The following PLPPR4 variants were observed in gnomAD, a reference collection of about 807,000 sequenced individuals.
PLPPR4 encodes the protein phospholipid phosphatase-related protein type 4.
PLPPR4 carries 24 observed loss-of-function variants against 56.6 expected under a neutral mutation model. The ratio of observed to expected loss-of-function variants is 0.42; its 90% CI spans 0.31 to 0.60. The LOEUF (loss-of-function observed/expected upper bound fraction) is 0.60. Ranked by LOEUF, PLPPR4 falls within the 20% of genes least tolerant of loss-of-function variation. The pLI is 0.13. For synonymous variants in PLPPR4, 326 were observed against 328.1 expected (o/e 0.99, Z 0.07); for missense variants, 654 against 885.8 (o/e 0.74, Z 3.32).
intron 2 of PLPPR4, among the ~76,000 whole-genome samples, chr1:99,288,480 G>A (rs1557778466): frequency 6.6e-6 from 1 of 151,932 alleles, no homozygotes; most frequent in Admixed American, 6.6e-5. Context: ...CTTTACATGT[G>A]TTTATTTAGT....
chr1:99,271,376 T>C lies in PLPPR4; in HGVS notation c.78+6705T>C, dbSNP rs546137612. Among the ~76,000 whole-genome samples the C allele has an allele frequency of 5.9e-5, 9 of 152,294 alleles. No individual in the cohort carries two copies. In the East Asian group the frequency reaches 1.7e-3, roughly 29 times the overall value. On this transcript the variant is annotated intron_variant, in intron 1 of 6. Coordinates refer to ENST00000370185, the MANE Select transcript of PLPPR4 (RefSeq NM_014839.5). ...ATTTCAGAGCTTGTCCATCTTGCTC[T>C]TGCATTATGACTACACCATACTGTC...
In PLPPR4 at chr1:99,287,985, G is replaced by C; in HGVS notation, c.99G>C (p.Ser33=). 3 of 1,613,086 alleles carry C rather than the reference G, an allele frequency of 1.9e-6. No homozygotes were observed. The highest frequency in any genetic ancestry group is 2.5e-6 in the Non-Finnish European group (3 of 1,179,518). ...CTTAGTTGCCTATATTGGCATCATC[G>C]GTGGTTAGCCTCTATTTCCTCGAAC... ...YFVELPILAS[S]VVSLYFLELT... Residue 33 remains serine, a synonymous_variant, in exon 2 of 7, where the codon TCG becomes TCC. Coordinates refer to ENST00000370185, the MANE Select transcript of PLPPR4 (RefSeq NM_014839.5).
upstream of PLPPR4, chr1:99,264,242 T>C (rs781227150): frequency 1.1e-5 from 6 of 558,284 alleles, no homozygotes; most frequent in Non-Finnish European, 1.9e-5. Flanking sequence ...TCCGACAGCC[T>C]TGGAGCGTCG....
rs767426745 is a variant in PLPPR4 at position 99,299,003 on chromosome 1, CT to C, written c.395-30del. 3.3e-6 allele frequency: 5 copies of C among 1,509,090 alleles called. No individual in the cohort carries two copies. In the African/African-American group the frequency reaches 5.5e-5, roughly 17 times the overall value. The allele number at this position is 1,509,090 out of a possible 1,614,324, so 93.5% of individuals were successfully genotyped here. On this transcript the variant is annotated intron_variant, in intron 3 of 6. Transcript: ENST00000370185. ...TGTTTGATGCTGACACAACCACCAACTTGGTAACAATTTCTTTCATTTTGCC... is the reference window on the plus strand; with the variant it reads ...TGTTTGATGCTGACACAACCACCAACTGGTAACAATTTCTTTCATTTTGCC...
At chr1:99,264,258 G>C (rs140700752), upstream of PLPPR4, 1 of 575,472 alleles carries the variant, frequency 1.7e-6, no homozygotes, top group African/African-American at 1.9e-5. Flanking sequence ...CGTCGCAAGG[G>C]CGGTAGAGAG....
chr1:99,288,319 T>G (rs1375304491), intron 2 of PLPPR4, among the ~76,000 whole-genome samples, 169 bp downstream of exon 2: 2 of 152,226 alleles, frequency 1.3e-5, no homozygotes, highest in African/African-American at 4.8e-5. Context: ...TAGCTTAACA[T>G]TATTGGCATT....
In PLPPR4 at chr1:99,308,301, A is replaced by G. The variant is rs1428784484; in HGVS notation, c.*1291A>G. 1 of 152,202 alleles carries G rather than the reference A, an allele frequency of 6.6e-6. No individual in the cohort carries two copies. The highest frequency in any genetic ancestry group is 2.4e-5 in the African/African-American group (1 of 41,442). The allele number at this position is 152,202 out of a possible 1,614,324, so 9.4% of individuals were successfully genotyped here. Reference sequence around the variant, plus strand: ...AAAGTATCTCACGGTACAAATTAAGAATGACTTTCTTCAAAATATCTGAAT... The same window carrying G: ...AAAGTATCTCACGGTACAAATTAAGGATGACTTTCTTCAAAATATCTGAAT... On this transcript the variant is annotated 3_prime_UTR_variant, in exon 7 of 7. Coordinates refer to ENST00000370185, the MANE Select transcript of PLPPR4 (RefSeq NM_014839.5).
intron 5 of PLPPR4, among the ~76,000 whole-genome samples, chr1:99,301,519 A>G (rs1431752074): frequency 2.6e-5 from 4 of 152,060 alleles, no homozygotes; most frequent in Admixed American, 1.3e-4. Context: ...TATTTTTCCA[A>G]CTTTCATGTA....
chr1:99,271,797 A>T (rs1185989825), intron 1 of PLPPR4, among the ~76,000 whole-genome samples: 1 of 151,968 alleles, frequency 6.6e-6, no homozygotes, highest in Non-Finnish European at 1.5e-5. Context: ...GGTGTGTCCA[A>T]ATGATAGAAA....
intron 2 of PLPPR4, among the ~76,000 whole-genome samples, chr1:99,289,054 A>G (rs1220955236): frequency 6.6e-6 from 1 of 152,148 alleles, no homozygotes; most frequent in Non-Finnish European, 1.5e-5. Flanking sequence ...CTATTAATAA[A>G]TAAGACTGGC....
At chr1:99,304,427 A>T (rs1160614607) in intron 6 of PLPPR4, among the ~76,000 whole-genome samples, 3 of 152,166 alleles carry the variant, frequency 2.0e-5, no homozygotes, top group Non-Finnish European at 4.4e-5. Flanking sequence ...CATTTCTTAG[A>T]ATGTATCCCT....
At chr1:99,279,603 T>C (rs1055422616) in intron 1 of PLPPR4, among the ~76,000 whole-genome samples, 2 of 152,152 alleles carry the variant, frequency 1.3e-5, no homozygotes, top group African/African-American at 2.4e-5. Context: ...TCTCGCCTTG[T>C]GTCCTTTAAA....
At chr1:99,292,409 A>T (rs1405698906) in intron 2 of PLPPR4, among the ~76,000 whole-genome samples, 2 of 152,168 alleles carry the variant, frequency 1.3e-5, no homozygotes, top group Non-Finnish European at 1.5e-5. Context: ...TTCTTTCTTG[A>T]GGCCTGAGAA....
chr1:99,288,593 T>C (rs190862113), intron 2 of PLPPR4, among the ~76,000 whole-genome samples: 68 of 152,266 alleles, frequency 4.5e-4, no homozygotes, highest in African/African-American at 1.6e-3. Context: ...TTATTGATTA[T>C]GGATACTGAG....
At chr1:99,270,638 C>G (rs1659032912) in intron 1 of PLPPR4, among the ~76,000 whole-genome samples, 1 of 152,198 alleles carries the variant, frequency 6.6e-6, no homozygotes, top group Non-Finnish European at 1.5e-5. Context: ...ATCTCATGAT[C>G]TATGTACAAA....
chr1:99,269,549 A>G (rs545867596), intron 1 of PLPPR4, among the ~76,000 whole-genome samples: 6 of 152,380 alleles, frequency 3.9e-5, no homozygotes, highest in African/African-American at 1.4e-4. Context: ...CTCATTAGTC[A>G]TCCTGCTCAA....
chr1:99,300,159 G>A (rs1228169277), intron 4 of PLPPR4, among the ~76,000 whole-genome samples: 2 of 151,940 alleles, frequency 1.3e-5, no homozygotes, highest in South Asian at 2.1e-4. Context: ...TCTGTTGAAT[G>A]GGGATCTTGT....
In PLPPR4 at chr1:99,299,031, A is replaced by G. The variant is rs763136544; in HGVS notation, c.395-4A>G. The G allele has an allele frequency of 2.5e-5, 40 of 1,609,362 alleles. No individual in the cohort carries two copies. Among genetic ancestry groups the G allele is most frequent in the Non-Finnish European group, 3.1e-5 (37 of 1,176,016 alleles). On this transcript the variant is annotated splice_polypyrimidine_tract_variant and splice_region_variant and intron_variant, in intron 3 of 6. Coordinates refer to ENST00000370185, the MANE Select transcript of PLPPR4 (RefSeq NM_014839.5). ...GGTAACAATTTCTTTCATTTTGCCT[A>G]TAGGTGTTCATGTATTTGGATTATG...
chr1:99,274,849 C>T (rs959729550), intron 1 of PLPPR4, among the ~76,000 whole-genome samples: 7 of 152,092 alleles, frequency 4.6e-5, no homozygotes, highest in African/African-American at 1.7e-4. Flanking sequence ...TATATAAACT[C>T]GTCAGCAGCA....
Sources: gnomAD v4.1 joint callset for allele counts (sites outside exome capture counted in the v4.1 genomes callset) on GRCh38, gnomAD v4.1.1 for gene constraint, MANE v1.5 for transcripts, NCBI Gene and HGNC (gene_info 2026-07-23, HGNC 2026-07-21) for gene names.